RNF145: variants seen among roughly 807,000 people sequenced by gnomAD.
RNF145 encodes the protein ring finger protein 145.
Under a neutral mutation model 57.3 loss-of-function variants are expected in RNF145, and 12 were observed. That is an observed-to-expected ratio of 0.21 (90% CI 0.13 to 0.34). The LOEUF (loss-of-function observed/expected upper bound fraction) is 0.34, where lower values mean the gene tolerates loss of function less well. Ranked by LOEUF, RNF145 falls within the 10% of genes least tolerant of loss-of-function variation. The pLI, the probability that RNF145 is intolerant of heterozygous loss-of-function variation, is 1.00. For missense variants in RNF145, 429 were observed against 799.0 expected, an observed-to-expected ratio of 0.54 and a Z score of 5.58; for synonymous variants, 262 against 288.3, an observed-to-expected ratio of 0.91 and a Z score of 0.92.
At chr5:159,192,551 AT>A (rs1214618576) in intron 3 of RNF145, among the ~76,000 whole-genome samples, 2 of 152,238 alleles carry the variant, frequency 1.3e-5, no homozygotes, top group African/African-American at 2.4e-5. Context: ...TGTAAAAATC[AT>A]TTTTTAAAGA....
intron 10 of RNF145, among the ~76,000 whole-genome samples, chr5:159,160,417 C>T (rs767549992): frequency 1.4e-4 from 22 of 152,028 alleles, no homozygotes; most frequent in South Asian, 8.3e-4. Context: ...ACATACATAC[C>T]CCACCTAAAC....
chr5:159,162,840 T>C (rs1021868267), intron 9 of RNF145, 92 bp downstream of exon 9: 5 of 952,284 alleles, frequency 5.3e-6, no homozygotes, highest in African/African-American at 1.7e-5. Context: ...AGTCCACTTA[T>C]AATCATTCAT....
Position 159,209,269 on chromosome 5 carries a change from C to G in RNF145, c.-78G>C, listed in dbSNP as rs2113267550. The G allele has an allele frequency of 1.0e-6, 1 of 985,268 alleles. No individual in the cohort carries two copies. Among genetic ancestry groups the G allele is most frequent in the Non-Finnish European group, 1.2e-6 (1 of 829,838 alleles). The allele number at this position is 985,268 out of a possible 1,614,324, so 61.0% of individuals were successfully genotyped here. On this transcript the variant is annotated 5_prime_UTR_variant, in exon 1 of 11. Coordinates refer to ENST00000424310, the MANE Select transcript of RNF145 (RefSeq NM_001199383.2). ...CTCCCTCCCTGGGGAGCGGCGCTGC[C>G]GGCGGGCGGGCTCCGCAACTCCCCG...
chr5:159,158,722 T>C lies in RNF145; in HGVS notation c.1940A>G (p.Lys647Arg), dbSNP rs141067581. ...ATCTTTCGCACTGTGAGGATATTCT[T>C]TGGGGTCAAAAGCCCCTTCCTGGTT... ...PDNQEGAFDP[K>R]EYPHSAKDEA... Residue 647 changes from lysine (K) to arginine (R), a missense_variant, in exon 11 of 11, where the codon AAA becomes AGA. By Grantham distance (26) the Lys-to-Arg change is conservative (BLOSUM62 2). This residue lies in a region of RNF145 where 102 missense variants were observed against 106.2 expected (regional missense o/e 0.96). Transcript: ENST00000424310. 12 of 1,613,994 alleles carry C rather than the reference T, an allele frequency of 7.4e-6. No homozygotes were observed. The highest frequency in any genetic ancestry group is 9.3e-6 in the Non-Finnish European group (11 of 1,179,868).
intron 4 of RNF145, among the ~76,000 whole-genome samples, chr5:159,178,153 C>A (rs1418513150): frequency 6.6e-6 from 1 of 151,842 alleles, no homozygotes. Flanking sequence ...CAAGATTATA[C>A]AAATAGCTGT....
At chr5:159,204,803 CAAAAAAA>C (rs1163143098) in intron 1 of RNF145, among the ~76,000 whole-genome samples, 4 of 47,068 alleles carry the variant, frequency 8.5e-5, no homozygotes, top group African/African-American at 2.1e-4. Context: ...GACTCCGTCT[CAAAAAAA>C]AAAAAAAAAA....
intron 3 of RNF145, among the ~76,000 whole-genome samples, chr5:159,193,959 C>G (rs944378978): frequency 6.6e-6 from 1 of 152,174 alleles, no homozygotes; most frequent in Non-Finnish European, 1.5e-5. Context: ...CAACCCACTA[C>G]TTCATAGTGT....
intron 1 of RNF145, among the ~76,000 whole-genome samples, chr5:159,206,856 T>G (rs1368392500): frequency 2.6e-5 from 4 of 152,148 alleles, no homozygotes; most frequent in African/African-American, 9.7e-5. Context: ...TCCTTGAACT[T>G]TGAAAAGAAC....
Position 159,188,363 on chromosome 5 carries a change from C to T in RNF145, c.294-6312G>A, listed in dbSNP as rs546546571. On this transcript the variant is annotated intron_variant, in intron 3 of 10. Transcript: ENST00000424310. ...GAGCCGAAATCGTGCCACTGCACTC[C>T]AGCCTGGGCAACAGAGCAAGACTCT... Among the ~76,000 whole-genome samples, 5 of 150,918 alleles carry T rather than the reference C, an allele frequency of 3.3e-5. No homozygotes were observed. The East Asian group carries it at 9.7e-4, about 29-fold the overall frequency.
intron 2 of RNF145, among the ~76,000 whole-genome samples, chr5:159,201,042 T>C (rs1203587949): frequency 6.6e-6 from 1 of 152,200 alleles, no homozygotes; most frequent in African/African-American, 2.4e-5. Flanking sequence ...CTATGGAAAG[T>C]ACTATCTGTC....
intron 6 of RNF145, 110 bp from the exon 7 acceptor site, chr5:159,169,929 C>T (rs925864411): frequency 2.5e-6 from 2 of 786,998 alleles, no homozygotes; most frequent in African/African-American, 1.8e-5. Flanking sequence ...TTAATTAAAA[C>T]ATCCTAAACC....
At chr5:159,202,159 T>C (rs986230219) in intron 2 of RNF145, among the ~76,000 whole-genome samples, 5 of 152,240 alleles carry the variant, frequency 3.3e-5, no homozygotes, top group Non-Finnish European at 7.3e-5. Context: ...CTAAAATTAA[T>C]ATTCCTGGTT....
intron 5 of RNF145, among the ~76,000 whole-genome samples, chr5:159,176,355 G>A (rs566673057): frequency 3.9e-5 from 6 of 152,140 alleles, no homozygotes; most frequent in South Asian, 2.1e-4. Flanking sequence ...AGAAAGTAAC[G>A]CAATTATCAC....
chr5:159,194,018 T>C (rs1252520540), intron 3 of RNF145, among the ~76,000 whole-genome samples: 1 of 152,222 alleles, frequency 6.6e-6, no homozygotes, highest in African/African-American at 2.4e-5. Context: ...AGTAGAAAGC[T>C]CATATTCATT....
chr5:159,163,574 T>C (rs534481190), intron 8 of RNF145, among the ~76,000 whole-genome samples: 1 of 152,272 alleles, frequency 6.6e-6, no homozygotes, highest in East Asian at 1.9e-4. Flanking sequence ...TCTGTTGTGG[T>C]CAGGGTAAGT....
chr5:159,172,118 A>G (rs1784579173), intron 6 of RNF145, among the ~76,000 whole-genome samples: 1 of 152,188 alleles, frequency 6.6e-6, no homozygotes, highest in African/African-American at 2.4e-5. Flanking sequence ...CCACCAATTC[A>G]GTCTCACGCT....
At chr5:159,205,504 G>A (rs1231632901) in intron 1 of RNF145, among the ~76,000 whole-genome samples, 1 of 152,116 alleles carries the variant, frequency 6.6e-6, no homozygotes, top group Non-Finnish European at 1.5e-5. Context: ...ATTTTAATGT[G>A]TATAAGCCAT....
At chr5:159,206,083 T>G (rs985445847) in intron 1 of RNF145, among the ~76,000 whole-genome samples, 1 of 151,996 alleles carries the variant, frequency 6.6e-6, no homozygotes, top group Non-Finnish European at 1.5e-5. Context: ...ACAAATATAA[T>G]AAGAAACAGA....
chr5:159,161,064 C>T (rs1183797655), intron 10 of RNF145: 1 of 510,782 alleles, frequency 2.0e-6, no homozygotes. Flanking sequence ...ACATTAGAAC[C>T]CAAGGGACTA....
Sources: gnomAD v4.1 joint callset for allele counts (sites outside exome capture counted in the v4.1 genomes callset) on GRCh38, gnomAD v4.1.1 for gene constraint, gnomAD v4.1.1 regional missense constraint, MANE v1.5 for transcripts, NCBI Gene and HGNC (gene_info 2026-07-23, HGNC 2026-07-21) for gene names.